SETD2: variants seen among roughly 807,000 people sequenced by gnomAD.
SETD2 encodes the protein SET domain containing 2, histone lysine methyltransferase.
In SETD2, 31 loss-of-function variants were observed where a neutral mutation model predicts 242.1. The observed-to-expected ratio is 0.13, with a 90% CI of 0.10 to 0.17. The LOEUF (loss-of-function observed/expected upper bound fraction) is 0.17, where lower values mean the gene tolerates loss of function less well. SETD2 is among the 10% of genes least tolerant of loss of function. SETD2 has a pLI of 1.00. For synonymous variants in SETD2, 1,006 were observed against 1,066.5 expected (o/e 0.94, Z 1.11); for missense variants, 2,481 against 3,046.3 (o/e 0.81, Z 4.37).
In SETD2 at chr3:47,017,793, G is replaced by A. The variant is rs2107489118; in HGVS notation, c.7432-54C>T. ...CTCAACAGTCCAGAGAGGGCAAGGA[G>A]TTGTACTGAGGAAATAACTAGAAAA... On this transcript the variant is annotated intron_variant, in intron 19 of 20. Transcript: ENST00000409792. This position sits in a 1 kb window ranked among gnomAD's most constrained non-coding sequence, Gnocchi z 4.8. 1 of 1,208,558 alleles carries A rather than the reference G, an allele frequency of 8.3e-7. No homozygotes were observed. The highest frequency in any genetic ancestry group is 1.2e-6 in the Non-Finnish European group (1 of 810,618). 74.9% of individuals were successfully genotyped at this position (1,208,558 alleles called of 1,614,324 possible).
At chr3:47,037,281 TCCCCCCC>T (rs1202156649) in intron 18 of SETD2, among the ~76,000 whole-genome samples, 5 of 25,982 alleles carry the variant, frequency 1.9e-4, no homozygotes, top group African/African-American at 6.1e-4. Flanking sequence ...CCCTCCCCCC[TCCCCCCC>T]ACCCCACAAC....
Position 47,059,842 on chromosome 3 carries a change from G to A in SETD2, c.6293+2321C>T, listed in dbSNP as rs954856964. Among the ~76,000 whole-genome samples the A allele has an allele frequency of 4.6e-5, 7 of 152,118 alleles. 1 individual carries two copies. The highest frequency in any genetic ancestry group is 4.6e-4 in the Admixed American group (7 of 15,282). ...CTCTGTCACCCAGGCTGGAGTGCATGGTGTGTTCTCACCTCACTGCAACCT... is the reference window on the plus strand; with the variant it reads ...CTCTGTCACCCAGGCTGGAGTGCATAGTGTGTTCTCACCTCACTGCAACCT... On this transcript the variant is annotated intron_variant, in intron 14 of 20. Coordinates refer to ENST00000409792, the MANE Select transcript of SETD2 (RefSeq NM_014159.7).
intron 1 of SETD2, among the ~76,000 whole-genome samples, chr3:47,150,790 C>T (rs1317006751): frequency 2.0e-5 from 3 of 151,408 alleles, no homozygotes; most frequent in Admixed American, 6.6e-5. Flanking sequence ...GAGACCCTGT[C>T]GCTACAAAAA....
chr3:47,040,386 T>G (rs1244390060), intron 17 of SETD2, among the ~76,000 whole-genome samples: 1 of 152,056 alleles, frequency 6.6e-6, no homozygotes, highest in Non-Finnish European at 1.5e-5. Context: ...ACAAAACTCT[T>G]GATAAAGAAA....
intron 8 of SETD2, among the ~76,000 whole-genome samples, chr3:47,100,500 C>G (rs1346826079): frequency 6.6e-6 from 1 of 151,728 alleles, no homozygotes; most frequent in African/African-American, 2.4e-5. Context: ...ATGATCTGCC[C>G]GCCTCAGCCT....
intron 18 of SETD2, among the ~76,000 whole-genome samples, chr3:47,023,131 T>C (rs547104148): frequency 1.0e-3 from 154 of 152,302 alleles, no homozygotes; most frequent in Non-Finnish European, 1.7e-3. Context: ...CTGGGCACGG[T>C]GGCTCATGCC....
intron 9 of SETD2, among the ~76,000 whole-genome samples, chr3:47,091,941 T>C (rs1177574163): frequency 6.6e-6 from 1 of 151,892 alleles, no homozygotes; most frequent in African/African-American, 2.4e-5. Context: ...CAAAATACTC[T>C]CTTAAAAACA....
chr3:47,123,302 C>A lies in SETD2; in HGVS notation c.1334G>T (p.Arg445Leu), dbSNP rs935586454. ...HRSSPYRERT[R>L]YSRPYTDNRA... The stretch of plus-strand genomic sequence containing the variant: ...GTTATCTGTGTATGGCCGAGAATAG[C>A]GCGTCCTCTCTCGATAAGGGGAGCT... Residue 445 changes from arginine (R) to leucine (L), a missense_variant, in exon 3 of 21, where the codon CGC becomes CTC. Around this residue, in one of 17 missense-constraint regions of SETD2, gnomAD observed 1,300 missense variants for 1,259.2 expected, o/e 1.03. Transcript: ENST00000409792. 2.6e-6 allele frequency: 4 copies of A among 1,551,606 alleles called. No individual in the cohort carries two copies. The highest frequency in any genetic ancestry group is 1.4e-5 in the African/African-American group (1 of 72,962).
At chr3:47,136,973 G>A (rs1189741631) in intron 1 of SETD2, among the ~76,000 whole-genome samples, 1 of 152,004 alleles carries the variant, frequency 6.6e-6, no homozygotes, top group African/African-American at 2.4e-5. Context: ...ATTACCTAGT[G>A]AGTACAATGT....
At chr3:47,038,913 A>G (rs1328640229) in intron 17 of SETD2, among the ~76,000 whole-genome samples, 1 of 152,210 alleles carries the variant, frequency 6.6e-6, no homozygotes, top group Non-Finnish European at 1.5e-5. Flanking sequence ...TCTTGTCACT[A>G]CAGTCTTCTG....
intron 2 of SETD2, among the ~76,000 whole-genome samples, chr3:47,125,399 G>A (rs1407455055): frequency 1.3e-5 from 2 of 151,748 alleles, no homozygotes. Flanking sequence ...AAATATCAAC[G>A]AGCTATTGAG....
intron 18 of SETD2, among the ~76,000 whole-genome samples, chr3:47,023,833 G>A (rs973913599): frequency 6.6e-6 from 1 of 152,156 alleles, no homozygotes; most frequent in African/African-American, 2.4e-5. Context: ...CTACGCCCTT[G>A]TATATAAGGG....
At chr3:47,033,953 G>C (rs1575664173) in intron 18 of SETD2, among the ~76,000 whole-genome samples, 1 of 152,212 alleles carries the variant, frequency 6.6e-6, no homozygotes, top group East Asian at 1.9e-4. Context: ...TTACAGGCTT[G>C]AGCCACAGGG....
chr3:47,081,395 CG>C (rs1440520689), intron 12 of SETD2, among the ~76,000 whole-genome samples: 2 of 152,128 alleles, frequency 1.3e-5, no homozygotes, highest in African/African-American at 4.8e-5. Flanking sequence ...CTTTTTAGTA[CG>C]ATCTTGGAAT....
Position 47,062,216 on chromosome 3 carries a change from G to C in SETD2, c.6240C>G (p.Ser2080=), listed in dbSNP as rs577861724. ...QNKEKRKRRS[S]LSPPSSAYER... ...CATAGGCAGAAGAGGGTGGTGAGAG[G>C]GAGCTTCTTCGTTTCCTTTTCTCTT... Residue 2080 remains serine, a synonymous_variant, in exon 14 of 21, where the codon TCC becomes TCG. Transcript: ENST00000409792. The C allele has an allele frequency of 2.4e-5, 38 of 1,613,904 alleles. No individual in the cohort carries two copies. The highest frequency in any genetic ancestry group is 3.2e-5 in the Non-Finnish European group (38 of 1,180,014).
At chr3:47,138,278 CTT>C (rs746392835) in intron 1 of SETD2, 8 of 277,700 alleles carry the variant, frequency 2.9e-5, no homozygotes, top group East Asian at 1.4e-4. Flanking sequence ...GGCCCACTTT[CTT>C]TTTTTTTGAA....
chr3:47,107,874 G>C (rs2042498644), intron 5 of SETD2, among the ~76,000 whole-genome samples: 1 of 152,078 alleles, frequency 6.6e-6, no homozygotes, highest in Non-Finnish European at 1.5e-5. Context: ...TACACCAGTT[G>C]AAAGCCTGGG....
intron 14 of SETD2, among the ~76,000 whole-genome samples, chr3:47,060,036 C>T (rs1192910886): frequency 1.3e-5 from 2 of 152,112 alleles, no homozygotes; most frequent in Non-Finnish European, 2.9e-5. Flanking sequence ...CCACCAGCCT[C>T]GAGACCCAGG....
At chr3:47,108,876 G>T (rs146119693) in intron 5 of SETD2, among the ~76,000 whole-genome samples, 1 of 152,174 alleles carries the variant, frequency 6.6e-6, no homozygotes. Flanking sequence ...GAGAAGCTAC[G>T]TGTCTCAATT....
Sources: allele counts gnomAD v4.1 joint callset (sites outside exome capture counted in the v4.1 genomes callset), GRCh38; gene constraint gnomAD v4.1.1; regional missense constraint gnomAD v4.1.1; non-coding constraint Gnocchi (gnomAD v3.1); transcripts MANE v1.5; gene names NCBI Gene and HGNC (gene_info 2026-07-23, HGNC 2026-07-21).